EPB41L4A: variants seen among roughly 807,000 people sequenced by gnomAD.
The protein encoded by EPB41L4A is band 4.1-like protein 4A.
In EPB41L4A, 100 loss-of-function variants were observed where a neutral mutation model predicts 108.6. The ratio of observed to expected loss-of-function variants is 0.92; its 90% CI spans 0.78 to 1.09. The LOEUF (loss-of-function observed/expected upper bound fraction) is 1.09. Among genes scored for constraint, EPB41L4A ranks in the 50% least tolerant of loss-of-function variants. The pLI, the probability that EPB41L4A is intolerant of heterozygous loss-of-function variation, is 0.00. For missense variants in EPB41L4A, 1,030 were observed against 842.7 expected (o/e 1.22, Z -2.75); for synonymous variants, 319 against 289.0 (o/e 1.10, Z -1.05).
rs755073015 is a variant in EPB41L4A, at chr5:112,418,947, G to A, written c.93C>T (p.Gly31=). Residue 31 remains glycine (G), a synonymous_variant, in exon 1 of 23, where the codon GGC becomes GGT. Coordinates refer to ENST00000261486, the MANE Select transcript of EPB41L4A (RefSeq NM_022140.5). ...SKLTLTTQQQ[G]IKKSTKGSVV... is the part of the protein sequence containing the mutation. Reference sequence around the variant, plus strand: ...CGCTCCGGGCCGCACCCACCTTGATGCCCTGCTGCTGGGTGGTAAGGGTTA... The same window carrying A: ...CGCTCCGGGCCGCACCCACCTTGATACCCTGCTGCTGGGTGGTAAGGGTTA... The A allele has an allele frequency of 1.2e-6, 2 of 1,612,840 alleles. No homozygotes were observed. Among genetic ancestry groups the A allele is most frequent in the South Asian group, 2.2e-5 (2 of 90,972 alleles).
chr5:112,151,603 T>C (rs1278633215), intron 12 of EPB41L4A, among the ~76,000 whole-genome samples: 7 of 151,982 alleles, frequency 4.6e-5, no homozygotes, highest in Admixed American at 4.6e-4. Flanking sequence ...AGATGGGGTT[T>C]CACCATGTTG....
In EPB41L4A at chr5:112,289,542, T is replaced by A. The variant is rs756659172; in HGVS notation, c.205-9219A>T. Among the ~76,000 whole-genome samples, 517 of 152,304 alleles carry A rather than the reference T, an allele frequency of 3.4e-3. 6 individuals are homozygous for A. Among genetic ancestry groups the A allele is most frequent in the Non-Finnish European group, 3.6e-3 (248 of 68,022 alleles). ...GTGGTGGCAGAAGTAACTGCCTGTCTTCTGAGACTTGGTCATGCACAGTGA... is the reference window on the plus strand; with the variant it reads ...GTGGTGGCAGAAGTAACTGCCTGTCATCTGAGACTTGGTCATGCACAGTGA... On this transcript the variant is annotated intron_variant, in intron 2 of 22. Coordinates refer to ENST00000261486, the MANE Select transcript of EPB41L4A (RefSeq NM_022140.5).
chr5:112,161,523 T>A (rs1561436744), downstream of EPB41L4A: 2 of 519,120 alleles, frequency 3.9e-6, no homozygotes, highest in Admixed American at 3.9e-5. Context: ...AACTAGTGAA[T>A]GTGGTGTCAA....
chr5:112,259,018 G>C (rs1751307524), intron 9 of EPB41L4A, among the ~76,000 whole-genome samples: 1 of 152,072 alleles, frequency 6.6e-6, no homozygotes, highest in African/African-American at 2.4e-5. Context: ...GCTTTCCTTT[G>C]CTAAATCTAA....
chr5:112,380,953 C>T (rs1201954068), intron 1 of EPB41L4A, among the ~76,000 whole-genome samples: 1 of 152,146 alleles, frequency 6.6e-6, no homozygotes, highest in Admixed American at 6.6e-5. Context: ...TATATGTCAA[C>T]AATCCCTCAC....
At chr5:112,307,557 G>A (rs899102604) in intron 1 of EPB41L4A, 67 bp from the exon 2 acceptor site, 2 of 1,002,794 alleles carry the variant, frequency 2.0e-6, no homozygotes, top group African/African-American at 3.2e-5. Context: ...CACAGTCATG[G>A]TTCTCATCTT....
chr5:112,300,633 G>A (rs1294295159), intron 2 of EPB41L4A, among the ~76,000 whole-genome samples: 1 of 152,076 alleles, frequency 6.6e-6, no homozygotes, highest in South Asian at 2.1e-4. Flanking sequence ...CCTAGGTAAT[G>A]ATCTTTTTGC....
At chr5:112,287,938 AAAG>A (rs1201562526) in intron 2 of EPB41L4A, among the ~76,000 whole-genome samples, 2 of 152,234 alleles carry the variant, frequency 1.3e-5, no homozygotes, top group African/African-American at 4.8e-5. Context: ...AGCTAAAAAG[AAAG>A]AAGAACTATT....
At chr5:112,336,496 T>G (rs188289494) in intron 1 of EPB41L4A, among the ~76,000 whole-genome samples, 2 of 152,280 alleles carry the variant, frequency 1.3e-5, no homozygotes, top group Admixed American at 6.5e-5. Flanking sequence ...GGGTGATTCT[T>G]TACCCTGTAC....
At chr5:112,183,119 C>T (rs950458436) in intron 18 of EPB41L4A, among the ~76,000 whole-genome samples, 2 of 152,130 alleles carry the variant, frequency 1.3e-5, no homozygotes, top group African/African-American at 4.8e-5. Context: ...CCCCGGTACA[C>T]TCCAGAGTTC....
chr5:112,342,228 G>T (rs1280059355), intron 1 of EPB41L4A, among the ~76,000 whole-genome samples: 1 of 152,228 alleles, frequency 6.6e-6, no homozygotes, highest in Admixed American at 6.5e-5. Flanking sequence ...AGACAACCAT[G>T]ATGACTGGAC....
In EPB41L4A at chr5:112,262,521, C is replaced by T. The variant is rs202149026; in HGVS notation, c.615G>A (p.Met205Ile). 1.9e-6 allele frequency: 3 copies of T among 1,614,020 alleles called. No individual in the cohort carries two copies. Among genetic ancestry groups the T allele is most frequent in the Non-Finnish European group, 8.5e-7 (1 of 1,179,940 alleles). ...AGACGGGATGGAGGTCAACGCCATA[C>T]ATCTCCAGGGATTTGGCAGTCCTCA... ...NYLRTAKSLEMYGVDLHPVYG... is the reference protein window; with the variant it reads ...NYLRTAKSLEIYGVDLHPVYG... The change falls in exon 7 of 23, where the codon ATG becomes ATA. Residue 205 changes from methionine to isoleucine, a missense_variant. By Grantham distance (10) the Met-to-Ile change is conservative. Transcript: ENST00000261486.
intron 1 of EPB41L4A, among the ~76,000 whole-genome samples, chr5:112,397,928 T>C (rs1364141481): frequency 1.3e-5 from 2 of 152,204 alleles, no homozygotes; most frequent in Non-Finnish European, 2.9e-5. Context: ...GCAGCCTGCC[T>C]AGAAAACATG....
At chr5:112,379,523 C>G (rs1760033905) in intron 1 of EPB41L4A, among the ~76,000 whole-genome samples, 1 of 152,154 alleles carries the variant, frequency 6.6e-6, no homozygotes, top group Non-Finnish European at 1.5e-5. Flanking sequence ...TAGCAGGAGA[C>G]CAAGTCTGTG....
chr5:112,149,039 A>AT, intron 12 of EPB41L4A, among the ~76,000 whole-genome samples: 1 of 152,118 alleles, frequency 6.6e-6, no homozygotes, highest in Non-Finnish European at 1.5e-5. Flanking sequence ...CTTCACTACT[A>AT]TTTTTCTAAA....
intron 2 of EPB41L4A, among the ~76,000 whole-genome samples, chr5:112,287,140 C>A (rs1045380043): frequency 1.3e-5 from 2 of 152,194 alleles, no homozygotes; most frequent in African/African-American, 4.8e-5. Flanking sequence ...CATCTATACA[C>A]TGACAACTTC....
At chr5:112,285,613 T>C (rs1226020834) in intron 2 of EPB41L4A, among the ~76,000 whole-genome samples, 1 of 152,170 alleles carries the variant, frequency 6.6e-6, no homozygotes, top group Non-Finnish European at 1.5e-5. Flanking sequence ...TGGAGTGATC[T>C]ACAGGGAGGG....
At chr5:112,168,891 C>T in intron 21 of EPB41L4A, 71 bp from the exon 22 acceptor site, 3 of 1,503,294 alleles carry the variant, frequency 2.0e-6, no homozygotes, top group Non-Finnish European at 2.8e-6. Context: ...TGGAAGAGAA[C>T]TACAGTGTAG....
chr5:112,209,783 A>G (rs952519801), intron 13 of EPB41L4A, 109 bp downstream of exon 13: 3 of 623,338 alleles, frequency 4.8e-6, no homozygotes, highest in Non-Finnish European at 2.8e-6. Flanking sequence ...CCATGGATCA[A>G]AAGTATTCAT....
Sources: gnomAD v4.1 joint callset for allele counts (sites outside exome capture counted in the v4.1 genomes callset) on GRCh38, gnomAD v4.1.1 for gene constraint, MANE v1.5 for transcripts, NCBI Gene and HGNC (gene_info 2026-07-23, HGNC 2026-07-21) for gene names.